The following RARA variants were observed in gnomAD, a reference collection of about 807,000 sequenced individuals.
RARA encodes the protein retinoic acid receptor alpha.
RARA carries 5 observed loss-of-function variants against 42.8 expected under a neutral mutation model. That is an observed-to-expected ratio of 0.12 (90% CI 0.06 to 0.25). The LOEUF is 0.25. Ranked by LOEUF, RARA falls within the 10% of genes least tolerant of loss-of-function variation. The pLI is 1.00. For missense variants in RARA, 402 were observed against 628.7 expected, an observed-to-expected ratio of 0.64 and a Z score of 3.86; for synonymous variants, 256 against 259.5, an observed-to-expected ratio of 0.99 and a Z score of 0.13.
chr17:40,335,205 G>C (rs1353005321), intron 2 of RARA, among the ~76,000 whole-genome samples: 1 of 152,138 alleles, frequency 6.6e-6, no homozygotes, highest in Non-Finnish European at 1.5e-5. Flanking sequence ...CTGTGTGTTG[G>C]TGTTGGGGCT....
intron 2 of RARA, chr17:40,342,313 G>A (rs1457067250): frequency 3.7e-6 from 4 of 1,067,790 alleles, no homozygotes; most frequent in East Asian, 1.0e-4. Context: ...GGAAGTGCTC[G>A]TTGACCCCCA....
intron 2 of RARA, among the ~76,000 whole-genome samples, chr17:40,335,178 AG>A (rs1479951044): frequency 3.3e-5 from 5 of 151,824 alleles, no homozygotes; most frequent in Non-Finnish European, 7.4e-5. Context: ...AGAGCTAAGG[AG>A]GGAGAGTCAG....
intron 2 of RARA, among the ~76,000 whole-genome samples, chr17:40,347,805 G>A (rs968006353): frequency 6.6e-6 from 1 of 151,448 alleles, no homozygotes; most frequent in African/African-American, 2.4e-5. Context: ...AGGGGCAGTG[G>A]CTGCTGGCAG....
At chr17:40,317,108 T>G (rs2033231279) in intron 1 of RARA, among the ~76,000 whole-genome samples, 1 of 152,224 alleles carries the variant, frequency 6.6e-6, no homozygotes, top group African/African-American at 2.4e-5. Context: ...CTCTCTTTCC[T>G]TGTTTGTAAA....
rs778562003 is a variant in RARA, at chr17:40,356,154, C to T, written c.1317C>T (p.Pro439=). The part of the protein sequence containing the change: ...GGGRDGGGLA[P]PPGSCSPSLS... ...GGCGGGACGGGGGTGGCCTGGCCCC[C>T]CCGCCAGGCAGCTGTAGCCCCAGCC... The change falls in exon 9 of 9, where the codon CCC becomes CCT. Residue 439 remains proline (P), a synonymous_variant. Transcript: ENST00000254066. 3.9e-6 allele frequency: 6 copies of T among 1,553,756 alleles called. No individual in the cohort carries two copies. The East Asian group carries it at 1.2e-4, about 31-fold the overall frequency.
In RARA at chr17:40,352,261, GT is replaced by G. The variant is rs757112963; in HGVS notation, c.631-69del. The G allele has an allele frequency of 3.2e-4, 491 of 1,536,192 alleles. No homozygotes were observed. The highest frequency in any genetic ancestry group is 4.0e-4 in the Non-Finnish European group (460 of 1,141,310). Reference sequence around the variant, plus strand: ...TGAAGGCTGGGTAGAGGGCAGGCCTGTGGGGGCTGGAGCCAGGCTGAGAAGG... The same window carrying G: ...TGAAGGCTGGGTAGAGGGCAGGCCTGGGGGGCTGGAGCCAGGCTGAGAAGG... On this transcript the variant is annotated intron_variant, in intron 5 of 8. Transcript: ENST00000254066. This position sits in a 1 kb window ranked among gnomAD's most constrained non-coding sequence, Gnocchi z 4.9.
At chr17:40,318,961 A>C (rs1488477516) in intron 1 of RARA, among the ~76,000 whole-genome samples, 4 of 152,130 alleles carry the variant, frequency 2.6e-5, no homozygotes, top group Non-Finnish European at 5.9e-5. Context: ...GAGTGAGGGG[A>C]ACCGTCAGAA....
At chr17:40,323,735 G>A (rs1324583101) in intron 1 of RARA, among the ~76,000 whole-genome samples, 3 of 146,680 alleles carry the variant, frequency 2.0e-5, no homozygotes, top group Admixed American at 6.7e-5. Flanking sequence ...GTTGCTTGGG[G>A]GGGGGTCAAT....
chr17:40,341,819 G>A (rs2034058432), intron 2 of RARA: 7 of 1,173,000 alleles, frequency 6.0e-6, no homozygotes, highest in Non-Finnish European at 7.6e-6. Flanking sequence ...GGGGGAGCCT[G>A]GGAGCCGGAA....
chr17:40,349,740 C>T (rs1214593312), intron 3 of RARA, 44 bp from the exon 4 acceptor site: 6 of 1,610,338 alleles, frequency 3.7e-6, no homozygotes, highest in Admixed American at 1.7e-5. Context: ...GCACTGCTCC[C>T]ACTGTGGGTG....
chr17:40,342,839 G>A (rs2034120213), intron 2 of RARA: 1 of 1,612,862 alleles, frequency 6.2e-7, no homozygotes, highest in Non-Finnish European at 8.5e-7. Context: ...CCCCGCTCCG[G>A]ACTCCGCTTT....
At chr17:40,323,755 G>T (rs373562752) in intron 1 of RARA, among the ~76,000 whole-genome samples, 11 of 143,332 alleles carry the variant, frequency 7.7e-5, no homozygotes, top group Non-Finnish European at 1.1e-4. Context: ...TGGGTCGGAG[G>T]GGGGGTATGG....
Position 40,355,521 on chromosome 17 carries a change from CACCTGT to C in RARA, c.1171+101_1171+106del, listed in dbSNP as rs2034592213. On this transcript the variant is annotated intron_variant, in intron 8 of 8. Coordinates refer to ENST00000254066, the MANE Select transcript of RARA (RefSeq NM_000964.4). The surrounding 1 kb of genome is among the most constrained non-coding windows in gnomAD (Gnocchi z 4.1). ...ATGTCTTTGTGCCAGGACAATACGA[CACCTGT>C]CCCCATCTGTGTCTAGGCTGAGGTC... 1 of 1,425,952 alleles carries C rather than the reference CACCTGT, an allele frequency of 7.0e-7. No individual in the cohort carries two copies. The allele number at this position is 1,425,952 out of a possible 1,614,324, so 88.3% of individuals were successfully genotyped here. A position where few individuals can be genotyped will look rare whatever the true frequency, so the allele number is the denominator to read the frequency against.
intron 1 of RARA, among the ~76,000 whole-genome samples, chr17:40,315,603 C>T (rs1016646242): frequency 6.6e-6 from 1 of 152,018 alleles, no homozygotes; most frequent in African/African-American, 2.4e-5. Flanking sequence ...TCTTGGAGGG[C>T]CAATTGCTTC....
intron 3 of RARA, 149 bp downstream of exon 3, chr17:40,348,613 A>G (rs988200596): frequency 3.9e-6 from 4 of 1,035,030 alleles, no homozygotes; most frequent in African/African-American, 3.4e-5. Context: ...AGGGACACCT[A>G]CCACAGTTTC....
intron 2 of RARA, among the ~76,000 whole-genome samples, chr17:40,343,767 G>T (rs1164386211): frequency 6.6e-6 from 1 of 152,096 alleles, no homozygotes; most frequent in African/African-American, 2.4e-5. Flanking sequence ...GAGGGGCACT[G>T]ATGAGAATCC....
In RARA at chr17:40,355,942, G is replaced by T. The variant is rs917498238; in HGVS notation, c.1172-67G>T. The stretch of plus-strand genomic sequence containing the variant: ...TATTGATCTTCCCACCTCGAGCCAG[G>T]CTTGCTGGGGCTGGGGGTGGGAGGG... On this transcript the variant is annotated intron_variant, in intron 8 of 8. Coordinates refer to ENST00000254066, the MANE Select transcript of RARA (RefSeq NM_000964.4). This position sits in a 1 kb window ranked among gnomAD's most constrained non-coding sequence, Gnocchi z 4.1. The T allele has an allele frequency of 7.1e-7, 1 of 1,411,854 alleles. No homozygotes were observed. The highest frequency in any genetic ancestry group is 9.6e-7 in the Non-Finnish European group (1 of 1,037,850). 87.5% of individuals were successfully genotyped at this position (1,411,854 alleles called of 1,614,324 possible).
chr17:40,342,690 C>T, intron 2 of RARA: 8 of 1,605,678 alleles, frequency 5.0e-6, no homozygotes, highest in Non-Finnish European at 6.8e-6. Context: ...GGACCTCTTG[C>T]CTTCGAGGGG....
intron 2 of RARA, chr17:40,341,780 T>G: frequency 7.8e-7 from 1 of 1,289,184 alleles, no homozygotes; most frequent in Non-Finnish European, 9.9e-7. Context: ...CCACCACGGC[T>G]TCGCTCGGCC....
Sources: allele counts gnomAD v4.1 joint callset (sites outside exome capture counted in the v4.1 genomes callset), GRCh38; gene constraint gnomAD v4.1.1; non-coding constraint Gnocchi (gnomAD v3.1); transcripts MANE v1.5; gene names NCBI Gene and HGNC (gene_info 2026-07-23, HGNC 2026-07-21).